EML1: variants seen among roughly 807,000 people sequenced by gnomAD.
The protein encoded by EML1 is echinoderm microtubule-associated protein-like 1.
Under a neutral mutation model 110.4 loss-of-function variants are expected in EML1, and 27 were observed. That is an observed-to-expected ratio of 0.24 (90% CI 0.18 to 0.34). EML1 has a LOEUF of 0.34. EML1 is among the 10% of genes least tolerant of loss of function. The pLI, the probability that EML1 is intolerant of heterozygous loss-of-function variation, is 1.00. For synonymous variants in EML1, 344 were observed against 385.8 expected (o/e 0.89, Z 1.27); for missense variants, 741 against 1,030.9 (o/e 0.72, Z 3.85).
At chr14:99,780,364 T>C (rs2057526280) in intron 1 of EML1, among the ~76,000 whole-genome samples, 1 of 152,134 alleles carries the variant, frequency 6.6e-6, no homozygotes, top group Non-Finnish European at 1.5e-5. Flanking sequence ...TTGGGGGTTC[T>C]CTGTGGGGAA....
In EML1 at chr14:99,936,963, G is replaced by A. The variant is rs1227642056; in HGVS notation, c.2095+629G>A. On this transcript the variant is annotated intron_variant, in intron 19 of 21. Coordinates refer to ENST00000262233, the MANE Select transcript of EML1 (RefSeq NM_004434.3). The surrounding 1 kb of genome is among the most constrained non-coding windows in gnomAD (Gnocchi z 5.5). ...GGCGCGTGGGCACAAGGAAGGCCTC[G>A]CTGCTCCCCTGCTGGAAGTTACTGG... is the stretch of plus-strand genomic sequence containing the variant. Among the ~76,000 whole-genome samples, 5 of 152,228 alleles carry A rather than the reference G, an allele frequency of 3.3e-5. No homozygotes were observed. Among genetic ancestry groups the A allele is most frequent in the African/African-American group, 9.6e-5 (4 of 41,466 alleles).
At chr14:99,858,486 C>T (rs558564801) in intron 2 of EML1, among the ~76,000 whole-genome samples, 4 of 152,262 alleles carry the variant, frequency 2.6e-5, no homozygotes, top group Admixed American at 2.0e-4. Context: ...CACCCAGCCT[C>T]CTCATTCCTT....
At chr14:99,919,465 C>A (rs2060094551) in intron 16 of EML1, among the ~76,000 whole-genome samples, 1 of 150,928 alleles carries the variant, frequency 6.6e-6, no homozygotes. Context: ...CACACACACT[C>A]CACCTCCCAT....
intron 17 of EML1, among the ~76,000 whole-genome samples, chr14:99,930,995 A>G (rs2060356492): frequency 6.6e-6 from 1 of 152,206 alleles, no homozygotes; most frequent in African/African-American, 2.4e-5. Flanking sequence ...ATGAATCAGA[A>G]TCTGGCACTT....
At chr14:99,934,727 G>A (rs1039075022) in intron 17 of EML1, among the ~76,000 whole-genome samples, 1 of 152,156 alleles carries the variant, frequency 6.6e-6, no homozygotes, top group African/African-American at 2.4e-5. Flanking sequence ...CAGGTTTCCA[G>A]TCCTTCTTTT....
chr14:99,886,406 A>G (rs2059475804), intron 4 of EML1, among the ~76,000 whole-genome samples: 1 of 151,494 alleles, frequency 6.6e-6, no homozygotes, highest in Non-Finnish European at 1.5e-5. Flanking sequence ...GGCTTGAGCC[A>G]GGAGGTGGAG....
chr14:99,932,500 G>A (rs565096090), intron 17 of EML1, among the ~76,000 whole-genome samples: 4 of 152,132 alleles, frequency 2.6e-5, no homozygotes, highest in African/African-American at 9.6e-5. Flanking sequence ...TTAGCCAGAC[G>A]CGGTGGCAGG....
chr14:99,782,695 A>G (rs1357886775), intron 1 of EML1, among the ~76,000 whole-genome samples: 1 of 152,146 alleles, frequency 6.6e-6, no homozygotes, highest in Non-Finnish European at 1.5e-5. Flanking sequence ...GGACCATGGC[A>G]AAAATATGAG....
chr14:99,878,716 C>T, intron 4 of EML1, 97 bp downstream of exon 4: 1 of 1,484,130 alleles, frequency 6.7e-7, no homozygotes, highest in Non-Finnish European at 9.0e-7. Flanking sequence ...TTCCAACAAG[C>T]TGGGAGTACT....
intron 4 of EML1, chr14:99,885,952 G>C (rs931260787): frequency 3.8e-5 from 17 of 452,222 alleles, no homozygotes; most frequent in Non-Finnish European, 7.1e-5. Context: ...CAAAATCTGT[G>C]CTCCTTCCAC....
intron 1 of EML1, among the ~76,000 whole-genome samples, chr14:99,836,562 A>G (rs1376840259): frequency 6.6e-6 from 1 of 152,202 alleles, no homozygotes; most frequent in Non-Finnish European, 1.5e-5. Flanking sequence ...TGTATATAGT[A>G]TAGTCATAAT....
chr14:99,762,194 A>G lies in EML1; in HGVS notation c.28+24334A>G, dbSNP rs367816545. Among the ~76,000 whole-genome samples the G allele has an allele frequency of 3.5e-4, 53 of 152,288 alleles. No individual in the cohort carries two copies. The South Asian group carries it at 7.7e-3, about 22-fold the overall frequency. On this transcript the variant is annotated intron_variant, in intron 1 of 10. Coordinates refer to the EML1 transcript ENST00000554479. ...TGTCTTCCTCTGTATCACAGGGACA[A>G]TAATAGCACCTGTGCCACTGAATTG... is the stretch of plus-strand genomic sequence containing the variant.
chr14:99,830,638 C>T (rs1251404306), intron 1 of EML1, among the ~76,000 whole-genome samples: 2 of 152,054 alleles, frequency 1.3e-5, no homozygotes, highest in African/African-American at 4.8e-5. Flanking sequence ...GCAACCTCCA[C>T]CTCCCGGGTT....
At chr14:99,911,132 A>G (rs561455668) in intron 12 of EML1, among the ~76,000 whole-genome samples, 8 of 152,220 alleles carry the variant, frequency 5.3e-5, no homozygotes, top group African/African-American at 1.7e-4. Context: ...GTCCAGAGAA[A>G]CAGCTCACTA....
intron 19 of EML1, among the ~76,000 whole-genome samples, chr14:99,937,323 T>G (rs1279953749): frequency 1.3e-5 from 2 of 152,176 alleles, no homozygotes; most frequent in African/African-American, 4.8e-5. Context: ...TCTAGAGCCT[T>G]CTCAGATGTG....
intron 9 of EML1, chr14:99,906,897 CAT>C (rs1477564640): frequency 1.3e-5 from 2 of 152,520 alleles, no homozygotes; most frequent in Non-Finnish European, 2.9e-5. Context: ...TATTCACACA[CAT>C]GTGCACGTGT....
chr14:99,907,817 G>T, intron 10 of EML1, 84 bp downstream of exon 10: 1 of 1,305,664 alleles, frequency 7.7e-7, no homozygotes, highest in Non-Finnish European at 1.1e-6. Flanking sequence ...CCTTTCAGCG[G>T]GCTCATTCCC....
chr14:99,812,593 G>C (rs2058100772), intron 1 of EML1, among the ~76,000 whole-genome samples: 1 of 148,442 alleles, frequency 6.7e-6, no homozygotes, highest in Middle Eastern at 3.6e-3. Context: ...TCTTCACTTT[G>C]CCTGGCTCAG....
intron 1 of EML1, among the ~76,000 whole-genome samples, chr14:99,787,347 C>T (rs1408120071): frequency 1.4e-5 from 2 of 143,206 alleles, no homozygotes; most frequent in South Asian, 2.2e-4. Context: ...GATCTTGGCT[C>T]GGCTCACTGC....
Sources: allele counts gnomAD v4.1 joint callset (sites outside exome capture counted in the v4.1 genomes callset), GRCh38; gene constraint gnomAD v4.1.1; non-coding constraint Gnocchi (gnomAD v3.1); transcripts MANE v1.5; gene names NCBI Gene and HGNC (gene_info 2026-07-23, HGNC 2026-07-21).